Variants in CNTNAP2 observed in about 807,000 individuals in gnomAD.
CNTNAP2 encodes the protein contactin associated protein 2, also known as contactin-associated protein-like 2.
In CNTNAP2, 98 loss-of-function variants were observed where a neutral mutation model predicts 155.2. The ratio of observed to expected loss-of-function variants is 0.63; its 90% CI spans 0.54 to 0.75. The LOEUF is 0.75. CNTNAP2 is among the 30% of genes least tolerant of loss of function. The probability of loss-of-function intolerance (pLI) is 0.00; values close to 1 mark genes in which losing one functional copy is unlikely to be tolerated. For missense variants in CNTNAP2, 1,727 were observed against 1,688.1 expected, an observed-to-expected ratio of 1.02 and a Z score of -0.40; for synonymous variants, 651 against 631.2, an observed-to-expected ratio of 1.03 and a Z score of -0.47.
At chr7:146,597,831 TATGAAATA>T (rs1332024885) in intron 1 of CNTNAP2, among the ~76,000 whole-genome samples, 2 of 152,152 alleles carry the variant, frequency 1.3e-5, no homozygotes, top group Non-Finnish European at 2.9e-5. Context: ...TTAATTAAAC[TATGAAATA>T]GCATCTCACA....
intron 3 of CNTNAP2, among the ~76,000 whole-genome samples, chr7:147,004,167 T>TA (rs1798480354): frequency 1.1e-5 from 1 of 88,782 alleles, no homozygotes; most frequent in Non-Finnish European, 2.3e-5. Flanking sequence ...TATTGAAGAA[T>TA]AAAATCGATG....
At chr7:147,026,607 A>C (rs1243942192) in intron 3 of CNTNAP2, among the ~76,000 whole-genome samples, 1 of 151,238 alleles carries the variant, frequency 6.6e-6, no homozygotes, top group Non-Finnish European at 1.5e-5. Context: ...TTTTTCTGTT[A>C]GAGATTTTCT....
At chr7:146,512,569 T>C (rs1021225573) in intron 1 of CNTNAP2, among the ~76,000 whole-genome samples, 1 of 151,882 alleles carries the variant, frequency 6.6e-6, no homozygotes, top group African/African-American at 2.4e-5. Flanking sequence ...GCATGTTGCT[T>C]AATTTTCATA....
intron 15 of CNTNAP2, among the ~76,000 whole-genome samples, chr7:148,054,032 G>C (rs1009604537): frequency 2.0e-5 from 3 of 150,710 alleles, no homozygotes; most frequent in Non-Finnish European, 4.4e-5. Context: ...GAGTGCAGTG[G>C]TGTGGTCTCA....
intron 15 of CNTNAP2, among the ~76,000 whole-genome samples, chr7:148,053,366 C>T (rs17133865): frequency 0.24 from 36,951 of 151,960 alleles, 5,650 homozygotes; most frequent in East Asian, 0.49. Flanking sequence ...TGCTATCTTA[C>T]CTTTTTAAAT....
At chr7:146,870,829 A>G (rs1238319336) in intron 3 of CNTNAP2, among the ~76,000 whole-genome samples, 1 of 152,190 alleles carries the variant, frequency 6.6e-6, no homozygotes, top group Non-Finnish European at 1.5e-5. Context: ...TACTATATTA[A>G]TGCTCCTGAG....
intron 1 of CNTNAP2, among the ~76,000 whole-genome samples, chr7:146,664,202 C>T (rs1800147466): frequency 7.2e-6 from 1 of 139,514 alleles, no homozygotes. Flanking sequence ...CACTCTGTCG[C>T]CCAGGTTGGT....
intron 1 of CNTNAP2, among the ~76,000 whole-genome samples, chr7:146,579,309 A>T: frequency 6.6e-6 from 1 of 152,154 alleles, no homozygotes; most frequent in Non-Finnish European, 1.5e-5. Context: ...TATAGAGGAA[A>T]GATATGATAG....
chr7:146,691,389 C>T (rs1800694718), intron 1 of CNTNAP2, among the ~76,000 whole-genome samples: 1 of 152,090 alleles, frequency 6.6e-6, no homozygotes, highest in South Asian at 2.1e-4. Context: ...CTTAGCCAAG[C>T]TTACTGTAAA....
chr7:148,099,095 G>A (rs1804037553), intron 15 of CNTNAP2, among the ~76,000 whole-genome samples: 2 of 152,220 alleles, frequency 1.3e-5, no homozygotes, highest in South Asian at 4.1e-4. Context: ...TGTGGAAAGA[G>A]CACTATTGTG....
At chr7:146,650,357 T>C (rs1008374514) in intron 1 of CNTNAP2, among the ~76,000 whole-genome samples, 3 of 152,112 alleles carry the variant, frequency 2.0e-5, no homozygotes, top group Non-Finnish European at 2.9e-5. Context: ...TGGAATACTA[T>C]ACAGCCATAA....
intron 3 of CNTNAP2, among the ~76,000 whole-genome samples, chr7:146,944,416 T>G (rs2129226338): frequency 6.6e-6 from 1 of 152,268 alleles, no homozygotes; most frequent in African/African-American, 2.4e-5. Flanking sequence ...TAATTCTGTG[T>G]TATATCTTAA....
At chr7:147,564,034 C>G (rs1277808066) in intron 12 of CNTNAP2, among the ~76,000 whole-genome samples, 1 of 152,076 alleles carries the variant, frequency 6.6e-6, no homozygotes, top group Non-Finnish European at 1.5e-5. Flanking sequence ...GAGACCACAT[C>G]TCTATTTAGA....
chr7:147,867,695 A>G (rs183173009), intron 13 of CNTNAP2, among the ~76,000 whole-genome samples: 60 of 152,172 alleles, frequency 3.9e-4, no homozygotes, highest in African/African-American at 1.3e-3. Flanking sequence ...TATTTCATTA[A>G]TTTGATCTTC....
intron 3 of CNTNAP2, among the ~76,000 whole-genome samples, chr7:146,969,375 T>C (rs1797732514): frequency 6.6e-6 from 1 of 152,064 alleles, no homozygotes; most frequent in Non-Finnish European, 1.5e-5. Flanking sequence ...TTGTTAACTT[T>C]CTGTCTTGTT....
rs575922349 is a variant in CNTNAP2, at chr7:146,550,949, AG to A, written c.98-223319del. Among the ~76,000 whole-genome samples the A allele has an allele frequency of 8.7e-4, 133 of 152,200 alleles. 1 individual carries two copies. The highest frequency in any genetic ancestry group is 1.6e-3 in the Non-Finnish European group (107 of 68,004). On this transcript the variant is annotated intron_variant, in intron 1 of 23. Transcript: ENST00000361727. ...CAGGGAGGAGAGGTTTATAAGCAGG[AG>A]GGAAAAAATAAGAATAATACCATGT...
chr7:148,271,873 G>A (rs1796786714), intron 21 of CNTNAP2, among the ~76,000 whole-genome samples: 2 of 152,114 alleles, frequency 1.3e-5, no homozygotes, highest in South Asian at 4.1e-4. Context: ...ACTTGCAACT[G>A]ATATGTACTC....
At chr7:147,459,797 A>C (rs775614395) in intron 10 of CNTNAP2, among the ~76,000 whole-genome samples, 4 of 152,198 alleles carry the variant, frequency 2.6e-5, no homozygotes, top group Non-Finnish European at 5.9e-5. Context: ...AAGTTTGTGG[A>C]AATTTGTTAC....
intron 1 of CNTNAP2, among the ~76,000 whole-genome samples, chr7:146,663,286 AAAAAAAAAAAAAG>A (rs1380054845): frequency 1.1e-4 from 15 of 140,166 alleles, no homozygotes; most frequent in African/African-American, 3.9e-4. Context: ...TCAAAAAAAA[AAAAAAAAAAAAAG>A]AAAGAAAGAA....
Sources: allele counts gnomAD v4.1 joint callset (sites outside exome capture counted in the v4.1 genomes callset), GRCh38; gene constraint gnomAD v4.1.1; transcripts MANE v1.5; gene names NCBI Gene and HGNC (gene_info 2026-07-23, HGNC 2026-07-21).